RCOR1: variants seen among roughly 807,000 people sequenced by gnomAD.
RCOR1 encodes REST corepressor 1, also known as REST corepressor.
Under a neutral mutation model 64.0 loss-of-function variants are expected in RCOR1, and 12 were observed. The observed-to-expected ratio is 0.19, with a 90% CI of 0.12 to 0.30. The LOEUF (loss-of-function observed/expected upper bound fraction) is 0.30, where lower values mean the gene tolerates loss of function less well. Among genes scored for constraint, RCOR1 ranks in the 10% least tolerant of loss-of-function variants. RCOR1 has a pLI of 1.00. For synonymous variants in RCOR1, 279 were observed against 227.2 expected (o/e 1.23, Z -2.05); for missense variants, 502 against 621.2 (o/e 0.81, Z 2.04).
intron 2 of RCOR1, chr14:102,657,926 GA>G: frequency 1.0e-6 from 1 of 984,354 alleles, no homozygotes; most frequent in Non-Finnish European, 1.2e-6. Flanking sequence ...TGAAACAAGT[GA>G]AAGAGTTTTC....
intron 8 of RCOR1, among the ~76,000 whole-genome samples, chr14:102,719,422 C>T (rs536022598): frequency 2.4e-4 from 36 of 152,124 alleles, no homozygotes; most frequent in Admixed American, 1.4e-3. Flanking sequence ...CGACAGGCCC[C>T]GGTGTGTGAT....
chr14:102,623,012 TTGAA>T (rs1456446675), intron 2 of RCOR1, among the ~76,000 whole-genome samples: 2 of 152,230 alleles, frequency 1.3e-5, no homozygotes, highest in African/African-American at 2.4e-5. Context: ...TTGTTCGTGT[TTGAA>T]TGGCATCTTT....
chr14:102,726,455 C>G lies in RCOR1; in HGVS notation c.1420-13C>G, dbSNP rs1566716084. 4 of 1,530,758 alleles carry G rather than the reference C, an allele frequency of 2.6e-6. No homozygotes were observed. Among genetic ancestry groups the G allele is most frequent in the African/African-American group, 2.9e-5 (2 of 67,834 alleles). 94.8% of individuals were successfully genotyped at this position (1,530,758 alleles called of 1,614,324 possible). On this transcript the variant is annotated splice_polypyrimidine_tract_variant and intron_variant, in intron 11 of 11. Transcript: ENST00000262241. ...TTTGATCCTTTTTTTTTTTTTTTTC[C>G]TCTTGGCCTCAGGCTCCTGTTCTGG...
intron 2 of RCOR1, among the ~76,000 whole-genome samples, chr14:102,596,809 C>T (rs1018785850): frequency 2.6e-5 from 4 of 151,578 alleles, no homozygotes; most frequent in African/African-American, 9.7e-5. Context: ...AGGTGATCTC[C>T]CCGCCTTGTC....
chr14:102,693,026 A>G (rs1408018536), intron 3 of RCOR1, among the ~76,000 whole-genome samples: 1 of 152,094 alleles, frequency 6.6e-6, no homozygotes, highest in Admixed American at 6.5e-5. Flanking sequence ...TCAGCCTCTC[A>G]AAGTGTTGAG....
chr14:102,661,824 A>G (rs1364617880), intron 2 of RCOR1, among the ~76,000 whole-genome samples: 1 of 152,172 alleles, frequency 6.6e-6, no homozygotes, highest in East Asian at 1.9e-4. Flanking sequence ...TGGCACGATC[A>G]TGGCTCACTG....
At chr14:102,634,388 C>A (rs184574969) in intron 2 of RCOR1, among the ~76,000 whole-genome samples, 36 of 151,958 alleles carry the variant, frequency 2.4e-4, no homozygotes, top group African/African-American at 7.0e-4. Context: ...AACCAACCAA[C>A]CAACCAACCC....
At chr14:102,720,614 C>G (rs1166779518) in intron 8 of RCOR1, among the ~76,000 whole-genome samples, 1 of 152,124 alleles carries the variant, frequency 6.6e-6, no homozygotes, top group Non-Finnish European at 1.5e-5. Flanking sequence ...AAGACTGGGC[C>G]TTTTTGGTCC....
At chr14:102,638,258 G>A (rs1313337285) in intron 2 of RCOR1, among the ~76,000 whole-genome samples, 1 of 152,214 alleles carries the variant, frequency 6.6e-6, no homozygotes, top group Non-Finnish European at 1.5e-5. Flanking sequence ...GATGGGAGCA[G>A]ATTTAAAGAG....
intron 8 of RCOR1, among the ~76,000 whole-genome samples, chr14:102,715,091 C>T (rs1209110526): frequency 3.3e-5 from 5 of 150,194 alleles, no homozygotes; most frequent in African/African-American, 1.2e-4. Context: ...TTTTTTGAGA[C>T]GGTGTCTCGC....
intron 2 of RCOR1, among the ~76,000 whole-genome samples, chr14:102,598,429 T>C (rs1241755067): frequency 6.6e-6 from 1 of 151,176 alleles, no homozygotes; most frequent in Non-Finnish European, 1.5e-5. Flanking sequence ...ACGTTAGTCT[T>C]AAAATCCTGA....
chr14:102,648,849 A>G (rs1894526231), intron 2 of RCOR1, among the ~76,000 whole-genome samples: 1 of 152,184 alleles, frequency 6.6e-6, no homozygotes, highest in African/African-American at 2.4e-5. Flanking sequence ...AGCAAAGGAT[A>G]AGGTGAAGGG....
Position 102,592,852 on chromosome 14 carries a change from TCCCCGCCACTTTCGCACGGCCCCGGC to T in RCOR1, c.-27_-2del, listed in dbSNP as rs1473322737. 8.5e-7 allele frequency: 1 copy of T among 1,171,836 alleles called. No individual in the cohort carries two copies. Among genetic ancestry groups the T allele is most frequent in the Admixed American group, 4.7e-5 (1 of 21,118 alleles). The allele number at this position is 1,171,836 out of a possible 1,614,324, so 72.6% of individuals were successfully genotyped here. ...GCGCCCCCTCCTCAGGAGCCGCGGG[TCCCCGCCACTTTCGCACGGCCCCGGC>T]CCCCGCCGATGCCGGCCATGGTGGA... On this transcript the variant is annotated 5_prime_UTR_variant, in exon 1 of 12. Transcript: ENST00000262241.
At chr14:102,686,985 T>G (rs1013063542) in intron 3 of RCOR1, among the ~76,000 whole-genome samples, 1 of 152,256 alleles carries the variant, frequency 6.6e-6, no homozygotes, top group African/African-American at 2.4e-5. Flanking sequence ...GACTTCATTC[T>G]TTTCAGTGTA....
chr14:102,613,459 G>A (rs1893677266), intron 2 of RCOR1, among the ~76,000 whole-genome samples: 1 of 145,956 alleles, frequency 6.9e-6, no homozygotes, highest in Admixed American at 6.9e-5. Flanking sequence ...TTGAGACGGA[G>A]TCTCGTTCTG....
chr14:102,669,324 G>GAGAAA (rs1450874300), intron 2 of RCOR1, among the ~76,000 whole-genome samples: 2 of 143,052 alleles, frequency 1.4e-5, no homozygotes, highest in Admixed American at 1.4e-4. Context: ...AAAAAAAAAA[G>GAGAAA]AGAAAAGAAA....
At chr14:102,691,486 T>C (rs1167188047) in intron 3 of RCOR1, among the ~76,000 whole-genome samples, 1 of 152,218 alleles carries the variant, frequency 6.6e-6, no homozygotes, top group East Asian at 1.9e-4. Context: ...AAACAACTTA[T>C]TCTTTGACTT....
intron 2 of RCOR1, among the ~76,000 whole-genome samples, chr14:102,614,224 CTTT>C (rs5811076): frequency 2.1e-4 from 22 of 106,142 alleles, no homozygotes; most frequent in African/African-American, 3.2e-4. Context: ...ACATCTGGCT[CTTT>C]TTTTTTTTTT....
intron 2 of RCOR1, among the ~76,000 whole-genome samples, chr14:102,643,687 C>G (rs1015609308): frequency 6.6e-6 from 1 of 152,156 alleles, no homozygotes; most frequent in Non-Finnish European, 1.5e-5. Flanking sequence ...ATTAGACTTT[C>G]CCTAGCCTAG....
Sources: allele counts gnomAD v4.1 joint callset (sites outside exome capture counted in the v4.1 genomes callset), GRCh38; gene constraint gnomAD v4.1.1; transcripts MANE v1.5; gene names NCBI Gene and HGNC (gene_info 2026-07-23, HGNC 2026-07-21).